CNTN4: variants seen among roughly 807,000 people sequenced by gnomAD.
CNTN4 encodes contactin 4.
Under a neutral mutation model 122.5 loss-of-function variants are expected in CNTN4, and 77 were observed. That is an observed-to-expected ratio of 0.63 (90% CI 0.52 to 0.76). The LOEUF (loss-of-function observed/expected upper bound fraction) is 0.76. CNTN4 is among the 30% of genes least tolerant of loss of function. The pLI is 0.00. For missense variants in CNTN4, 1,256 were observed against 1,259.1 expected (o/e 1.00, Z 0.04); for synonymous variants, 512 against 447.0 (o/e 1.15, Z -1.83).
chr3:2,916,521 A>C, intron 12 of CNTN4, among the ~76,000 whole-genome samples: 1 of 146,410 alleles, frequency 6.8e-6, no homozygotes, highest in Non-Finnish European at 1.5e-5. Flanking sequence ...GGTTGGGGGT[A>C]AGGCCATAGA....
rs563911635 is a variant in CNTN4, at chr3:3,049,756, T to C, written c.2812-4051T>C. On this transcript the variant is annotated intron_variant, in intron 23 of 24. Transcript: ENST00000418658. Reference sequence around the variant, plus strand: ...GGCACCTCTCTGGGAATGTCCCAAGTACTGCAAAAAAGGAAGTGCAAAGGT... The same window carrying C: ...GGCACCTCTCTGGGAATGTCCCAAGCACTGCAAAAAAGGAAGTGCAAAGGT... 3.3e-4 allele frequency among the ~76,000 whole-genome samples: 50 copies of C among 152,300 alleles called. 1 individual carries two copies. The highest frequency in any genetic ancestry group is 1.2e-3 in the African/African-American group (50 of 41,570).
chr3:2,635,120 T>C (rs1050960509), intron 4 of CNTN4, among the ~76,000 whole-genome samples: 1 of 152,172 alleles, frequency 6.6e-6, no homozygotes, highest in East Asian at 1.9e-4. Flanking sequence ...TGTATTACAC[T>C]TAAACTGAAA....
At chr3:2,550,630 A>T (rs887349833) in intron 3 of CNTN4, among the ~76,000 whole-genome samples, 1 of 152,184 alleles carries the variant, frequency 6.6e-6, no homozygotes, top group Non-Finnish European at 1.5e-5. Context: ...AAACCATTCT[A>T]CTATAAAGAC....
chr3:2,741,086 C>G (rs1166352897), intron 5 of CNTN4, among the ~76,000 whole-genome samples: 1 of 152,028 alleles, frequency 6.6e-6, no homozygotes, highest in Non-Finnish European at 1.5e-5. Flanking sequence ...GTCATATAGA[C>G]AAAGTATTTA....
At chr3:2,338,331 G>A (rs752668072) in intron 2 of CNTN4, among the ~76,000 whole-genome samples, 43 of 151,938 alleles carry the variant, frequency 2.8e-4, no homozygotes, top group Non-Finnish European at 5.2e-4. Context: ...ATGTTTTTAT[G>A]GCTAATCAAG....
rs185475418 is a variant in CNTN4, at chr3:2,282,037, C to T, written c.-144-57141C>T. Among the ~76,000 whole-genome samples the T allele has an allele frequency of 2.3e-3, 348 of 151,900 alleles. 1 individual carries two copies. The highest frequency in any genetic ancestry group is 8.2e-3 in the African/African-American group (338 of 41,432). The stretch of plus-strand genomic sequence containing the variant: ...AATCCTGCTCCATTTCTAAAATTGC[C>T]CTTTGAAATTTTCTTATTTTCCTAC... On this transcript the variant is annotated intron_variant, in intron 2 of 24. Coordinates refer to ENST00000418658, the MANE Select transcript of CNTN4 (RefSeq NM_175607.3).
At chr3:2,217,766 T>C (rs139925284) in intron 2 of CNTN4, among the ~76,000 whole-genome samples, 1 of 152,262 alleles carries the variant, frequency 6.6e-6, no homozygotes, top group East Asian at 1.9e-4. Context: ...AATACAGCAA[T>C]GCAAAAAGAG....
intron 2 of CNTN4, among the ~76,000 whole-genome samples, chr3:2,151,593 C>T (rs2125406317): frequency 6.6e-6 from 1 of 152,134 alleles, no homozygotes; most frequent in Non-Finnish European, 1.5e-5. Flanking sequence ...GAAATTTAAT[C>T]CCCAGTGTAG....
intron 4 of CNTN4, among the ~76,000 whole-genome samples, chr3:2,716,910 C>T (rs1208130983): frequency 6.6e-6 from 1 of 152,114 alleles, no homozygotes; most frequent in Non-Finnish European, 1.5e-5. Flanking sequence ...TCTTTCACTT[C>T]TCATAATATT....
intron 3 of CNTN4, among the ~76,000 whole-genome samples, chr3:2,516,230 A>G (rs2077036214): frequency 6.6e-6 from 1 of 152,152 alleles, no homozygotes; most frequent in Non-Finnish European, 1.5e-5. Flanking sequence ...CAAATCTCAT[A>G]AAACTGAGTA....
At chr3:2,922,342 G>T (rs190085651) in intron 12 of CNTN4, among the ~76,000 whole-genome samples, 96 of 152,194 alleles carry the variant, frequency 6.3e-4, no homozygotes, top group African/African-American at 2.3e-3. Context: ...CCTCCCCTAG[G>T]TCAGTGTTTG....
chr3:2,909,571 C>T (rs113621337), intron 12 of CNTN4, among the ~76,000 whole-genome samples: 26 of 152,176 alleles, frequency 1.7e-4, no homozygotes, highest in African/African-American at 6.0e-4. Context: ...ATACCATACT[C>T]GTTATCAACT....
At chr3:2,283,229 T>C (rs1006417659) in intron 2 of CNTN4, among the ~76,000 whole-genome samples, 1 of 152,112 alleles carries the variant, frequency 6.6e-6, no homozygotes, top group Non-Finnish European at 1.5e-5. Flanking sequence ...AAGAAATTGG[T>C]GGAAATTATT....
At chr3:2,230,418 A>G (rs927876435) in intron 2 of CNTN4, among the ~76,000 whole-genome samples, 7 of 152,314 alleles carry the variant, frequency 4.6e-5, no homozygotes, top group Admixed American at 3.3e-4. Flanking sequence ...TTGTCCAAGT[A>G]TACCAGCTGG....
intron 7 of CNTN4, among the ~76,000 whole-genome samples, chr3:2,853,174 A>G (rs2093573702): frequency 7.0e-6 from 1 of 142,396 alleles, no homozygotes; most frequent in South Asian, 2.2e-4. Flanking sequence ...TTTTTATCAC[A>G]GGGGACGGAA....
chr3:2,301,193 A>G (rs962563802), intron 2 of CNTN4, among the ~76,000 whole-genome samples: 1 of 152,204 alleles, frequency 6.6e-6, no homozygotes, highest in Non-Finnish European at 1.5e-5. Context: ...GTTAGTATCC[A>G]TTACTGTAGA....
intron 13 of CNTN4, among the ~76,000 whole-genome samples, chr3:2,977,914 A>G (rs1226250339): frequency 6.6e-6 from 1 of 152,152 alleles, no homozygotes; most frequent in Non-Finnish European, 1.5e-5. Context: ...AGGGAAGACA[A>G]TGTAAAGAGA....
intron 2 of CNTN4, among the ~76,000 whole-genome samples, chr3:2,189,029 A>G (rs747945804): frequency 2.6e-5 from 4 of 152,162 alleles, no homozygotes; most frequent in Non-Finnish European, 5.9e-5. Context: ...TGCCCTGTTC[A>G]TCATTAAGTA....
In CNTN4 at chr3:2,238,735, G is replaced by GTTTTTTTTTTTTTTTTTTTTTTT. The variant is rs66733341; in HGVS notation, c.-144-100433_-144-100432insTTTTTTTTTTTTTTTTTTTTTTT. ...ATTTTTAATTATCAGTTGGCTCTGTGTTTTTTTTTTGAGACGGAGTCTGGC... is the reference window on the plus strand; with the variant it reads ...ATTTTTAATTATCAGTTGGCTCTGTGTTTTTTTTTTTTTTTTTTTTTTTTTTTTTTTTTGAGACGGAGTCTGGC... On this transcript the variant is annotated intron_variant, in intron 2 of 24. Coordinates refer to ENST00000418658, the MANE Select transcript of CNTN4 (RefSeq NM_175607.3). 1.6e-4 allele frequency: 13 copies of GTTTTTTTTTTTTTTTTTTTTTTT among 78,882 alleles called. 3 individuals are homozygous for GTTTTTTTTTTTTTTTTTTTTTTT. The highest frequency in any genetic ancestry group is 5.3e-4 in the South Asian group (1 of 1,880). 4.9% of individuals were successfully genotyped at this position (78,882 alleles called of 1,614,324 possible).
Sources: allele counts gnomAD v4.1 joint callset (sites outside exome capture counted in the v4.1 genomes callset), GRCh38; gene constraint gnomAD v4.1.1; transcripts MANE v1.5; gene names NCBI Gene and HGNC (gene_info 2026-07-23, HGNC 2026-07-21).